The following DUSP19 variants were observed in gnomAD, a reference collection of about 807,000 sequenced individuals.
DUSP19 encodes dual specificity protein phosphatase 19.
In DUSP19, 14 loss-of-function variants were observed where a neutral mutation model predicts 16.6. The ratio of observed to expected loss-of-function variants is 0.84; its 90% CI spans 0.56 to 1.32. DUSP19 has a LOEUF of 1.32. Ranked by LOEUF, DUSP19 falls within the 40% of genes most tolerant of loss-of-function variation. The pLI, the probability that DUSP19 is intolerant of heterozygous loss-of-function variation, is 0.00. For missense variants in DUSP19, 258 were observed against 255.9 expected, an observed-to-expected ratio of 1.01 and a Z score of -0.06; for synonymous variants, 81 against 90.5, an observed-to-expected ratio of 0.90 and a Z score of 0.59.
chr2:183,084,780 G>GA (rs1699639513), intron 2 of DUSP19, among the ~76,000 whole-genome samples: 1 of 152,188 alleles, frequency 6.6e-6, no homozygotes, highest in African/African-American at 2.4e-5. Context: ...AGAGATGGGG[G>GA]AAACTGGTTA....
chr2:183,099,166 A>C lies in DUSP19; in HGVS notation c.*3508A>C, dbSNP rs1244274777. 6.6e-6 allele frequency: 1 copy of C among 152,184 alleles called. No homozygotes were observed. Among genetic ancestry groups the C allele is most frequent in the African/African-American group, 2.4e-5 (1 of 41,458 alleles). The allele number at this position is 152,184 out of a possible 1,614,324, so 9.4% of individuals were successfully genotyped here. On this transcript the variant is annotated 3_prime_UTR_variant, in exon 4 of 4. Transcript: ENST00000354221. ...AAATGTATATAGAAGGTCCCCTTCAAGTGTTGTTTCTCCAAGTAGTCATAA... is the reference window on the plus strand; with the variant it reads ...AAATGTATATAGAAGGTCCCCTTCACGTGTTGTTTCTCCAAGTAGTCATAA...
rs1699820109 is a variant in DUSP19 at position 183,097,599 on chromosome 2, C to T, written c.*1941C>T. The T allele has an allele frequency of 1.3e-5, 2 of 152,066 alleles. No individual in the cohort carries two copies. The highest frequency in any genetic ancestry group is 4.8e-5 in the African/African-American group (2 of 41,422). The allele number at this position is 152,066 out of a possible 1,614,324, so 9.4% of individuals were successfully genotyped here. A position where few individuals can be genotyped will look rare whatever the true frequency, so the allele number is the denominator to read the frequency against. ...GTGATGTTATGAACTGTTATAAACT[C>T]TTTGCTTCTGCTAAGAAGCAGTCTA... On this transcript the variant is annotated 3_prime_UTR_variant, in exon 4 of 4. Coordinates refer to ENST00000354221, the MANE Select transcript of DUSP19 (RefSeq NM_080876.4).
intron 1 of DUSP19, among the ~76,000 whole-genome samples, chr2:183,082,045 C>T (rs372613858): frequency 1.8e-4 from 27 of 152,110 alleles, no homozygotes; most frequent in Admixed American, 7.2e-4. Context: ...TCTGGGAAGC[C>T]GGCTGTGACA....
intron 3 of DUSP19, among the ~76,000 whole-genome samples, chr2:183,089,498 A>G (rs1309058902): frequency 6.6e-6 from 1 of 152,204 alleles, no homozygotes; most frequent in African/African-American, 2.4e-5. Context: ...TCTAACACCC[A>G]GTAATACAAC....
At chr2:183,089,398 A>G (rs1699703547) in intron 3 of DUSP19, among the ~76,000 whole-genome samples, 1 of 152,158 alleles carries the variant, frequency 6.6e-6, no homozygotes, top group Non-Finnish European at 1.5e-5. Flanking sequence ...CCTGTTTCCC[A>G]TTGGTCAAAG....
At chr2:183,081,572 A>G (rs1699592817) in intron 1 of DUSP19, among the ~76,000 whole-genome samples, 1 of 152,188 alleles carries the variant, frequency 6.6e-6, no homozygotes, top group African/African-American at 2.4e-5. Context: ...AATTATTTGA[A>G]CCTATTTTTT....
intron 3 of DUSP19, among the ~76,000 whole-genome samples, chr2:183,095,115 T>A (rs931789954): frequency 6.6e-6 from 1 of 152,152 alleles, no homozygotes; most frequent in Non-Finnish European, 1.5e-5. Context: ...GGCTACTAAG[T>A]TGTTAGGTTT....
intron 2 of DUSP19, among the ~76,000 whole-genome samples, 156 bp from the exon 3 acceptor site, chr2:183,086,884 A>T (rs1268185515): frequency 6.6e-6 from 1 of 152,058 alleles, no homozygotes; most frequent in Non-Finnish European, 1.5e-5. Flanking sequence ...TAGTAGAAGG[A>T]GCACTTCTGG....
intron 3 of DUSP19, 63 bp downstream of exon 3, chr2:183,087,255 C>G: frequency 2.1e-6 from 3 of 1,407,524 alleles, no homozygotes; most frequent in Non-Finnish European, 2.9e-6. Flanking sequence ...GATCCATTAC[C>G]CAATCTTTAT....
chr2:183,095,337 C>A, intron 3 of DUSP19, 94 bp from the exon 4 acceptor site: 1 of 976,200 alleles, frequency 1.0e-6, no homozygotes, highest in Non-Finnish European at 1.5e-6. Flanking sequence ...TGAATATTTA[C>A]TTTATACTTT....
chr2:183,083,483 A>C (rs1699620050), intron 1 of DUSP19, 25 bp from the exon 2 acceptor site: 1 of 1,588,686 alleles, frequency 6.3e-7, no homozygotes, highest in Admixed American at 1.8e-5. Context: ...TTTGTGTTCA[A>C]GGTGGTATCA....
chr2:183,082,419 CTTTTTTTTTTTTTT>C (rs71008260), intron 1 of DUSP19, among the ~76,000 whole-genome samples: 4 of 84,828 alleles, frequency 4.7e-5, no homozygotes, highest in South Asian at 4.9e-4. Context: ...GAACATTTTT[CTTTTTTTTTTTTTT>C]TTTTTTTTGA....
intron 3 of DUSP19, among the ~76,000 whole-genome samples, chr2:183,087,781 A>G (rs541539368): frequency 1.3e-5 from 2 of 152,344 alleles, no homozygotes; most frequent in South Asian, 4.2e-4. Context: ...AGAAGCATTT[A>G]CAGAGAGAAA....
chr2:183,093,413 C>G (rs1451526371), intron 3 of DUSP19, among the ~76,000 whole-genome samples: 1 of 152,062 alleles, frequency 6.6e-6, no homozygotes, highest in Non-Finnish European at 1.5e-5. Context: ...TGGAAAGAGG[C>G]AGTCTTAGAA....
chr2:183,093,991 A>G (rs1197121982), intron 3 of DUSP19, among the ~76,000 whole-genome samples: 2 of 152,190 alleles, frequency 1.3e-5, no homozygotes, highest in Admixed American at 6.5e-5. Context: ...ACAAAATGAG[A>G]AAAGTTCCCA....
intron 1 of DUSP19, among the ~76,000 whole-genome samples, chr2:183,081,350 A>T (rs1699590030): frequency 6.6e-6 from 1 of 152,192 alleles, no homozygotes; most frequent in South Asian, 2.1e-4. Context: ...GGCTCCAGCG[A>T]TCGTCCCACC....
intron 3 of DUSP19, among the ~76,000 whole-genome samples, chr2:183,088,020 C>T (rs1373204238): frequency 1.3e-5 from 2 of 152,218 alleles, no homozygotes; most frequent in African/African-American, 4.8e-5. Flanking sequence ...TACTGTTCAT[C>T]AACTTTACTT....
intron 1 of DUSP19, among the ~76,000 whole-genome samples, chr2:183,081,660 A>G (rs549724994): frequency 6.6e-6 from 1 of 152,264 alleles, no homozygotes; most frequent in Non-Finnish European, 1.5e-5. Context: ...AAATTTATAG[A>G]AAATTACAGA....
chr2:183,080,819 A>G (rs1279177300), intron 1 of DUSP19, among the ~76,000 whole-genome samples: 2 of 152,072 alleles, frequency 1.3e-5, no homozygotes. Context: ...ATCAGGAGCA[A>G]CCTCCTCCCT....
Sources: allele counts gnomAD v4.1 joint callset (sites outside exome capture counted in the v4.1 genomes callset), GRCh38; gene constraint gnomAD v4.1.1; transcripts MANE v1.5; gene names NCBI Gene and HGNC (gene_info 2026-07-23, HGNC 2026-07-21).